Variants in USP32 observed in about 807,000 individuals in gnomAD.
The protein encoded by USP32 is ubiquitin carboxyl-terminal hydrolase 32.
In USP32, 59 loss-of-function variants were observed where a neutral mutation model predicts 204.8. The ratio of observed to expected loss-of-function variants is 0.29; its 90% CI spans 0.23 to 0.36. The LOEUF (loss-of-function observed/expected upper bound fraction) is 0.36. USP32 is among the 10% of genes least tolerant of loss of function. The probability of loss-of-function intolerance (pLI) is 1.00; values close to 1 mark genes in which losing one functional copy is unlikely to be tolerated. For missense variants in USP32, 1,160 were observed against 1,946.4 expected, an observed-to-expected ratio of 0.60 and a Z score of 7.60; for synonymous variants, 517 against 678.4, an observed-to-expected ratio of 0.76 and a Z score of 3.70.
chr17:60,271,611 C>A, intron 5 of USP32, 130 bp from the exon 6 acceptor site: 1 of 930,870 alleles, frequency 1.1e-6, no homozygotes, highest in Non-Finnish European at 1.5e-6. Flanking sequence ...ATAATCACGA[C>A]CAAAAACAAA....
intron 1 of USP32, among the ~76,000 whole-genome samples, chr17:60,418,292 C>T (rs1363092116): frequency 6.6e-6 from 1 of 151,740 alleles, no homozygotes; most frequent in African/African-American, 2.4e-5. Context: ...AGCATTTCAC[C>T]ATCTTGGCCA....
chr17:60,191,400 TAAAAAAAAAAAAAAA>T lies in USP32; in HGVS notation c.3522-732_3522-718del, dbSNP rs1158204624. Among the ~76,000 whole-genome samples the T allele has an allele frequency of 1.2e-4, 7 of 58,412 alleles. No individual in the cohort carries two copies. In the Admixed American group the frequency reaches 1.6e-3, roughly 13 times the overall value. The allele number at this position is 58,412 out of a possible 152,430, so 38.3% of individuals were successfully genotyped here. A position where few individuals can be genotyped will look rare whatever the true frequency, so the allele number is the denominator to read the frequency against. On this transcript the variant is annotated intron_variant, in intron 28 of 33. Transcript: ENST00000300896. Reference sequence around the variant, plus strand: ...CTGGGTGACAGAGTGAGACTCTGTTTAAAAAAAAAAAAAAAAAAAAAAAAAAGTTTATAGAGTTGC... The same window carrying T: ...CTGGGTGACAGAGTGAGACTCTGTTTAAAAAAAAAAAGTTTATAGAGTTGC...
chr17:60,415,343 T>C (rs1288146237), intron 1 of USP32, among the ~76,000 whole-genome samples: 1 of 152,226 alleles, frequency 6.6e-6, no homozygotes, highest in Non-Finnish European at 1.5e-5. Context: ...TTAAACCCCC[T>C]TGCCTTCTTC....
chr17:60,210,890 T>C (rs1228644744), intron 21 of USP32, 123 bp downstream of exon 21: 20 of 1,429,068 alleles, frequency 1.4e-5, no homozygotes, highest in African/African-American at 8.6e-5. Context: ...CTTTTGTTTA[T>C]ACCAAGTGAA....
chr17:60,320,663 C>T (rs2088091521), intron 2 of USP32, among the ~76,000 whole-genome samples: 1 of 152,146 alleles, frequency 6.6e-6, no homozygotes, highest in South Asian at 2.1e-4. Context: ...TGAAAAACAA[C>T]ACCGAATGAG....
intron 15 of USP32, among the ~76,000 whole-genome samples, chr17:60,221,021 T>G (rs373132189): frequency 1.2e-4 from 19 of 152,250 alleles, no homozygotes; most frequent in African/African-American, 4.3e-4. Flanking sequence ...TTTATTTTCC[T>G]TTACTCTCAT....
At chr17:60,342,281 G>A (rs768311245) in intron 2 of USP32, among the ~76,000 whole-genome samples, 12 of 152,136 alleles carry the variant, frequency 7.9e-5, no homozygotes, top group Non-Finnish European at 1.2e-4. Context: ...ATTGCTGCCC[G>A]ATCCTTCCTC....
intron 1 of USP32, among the ~76,000 whole-genome samples, chr17:60,372,651 G>A (rs901019931): frequency 2.7e-5 from 4 of 150,744 alleles, no homozygotes; most frequent in Non-Finnish European, 4.4e-5. Context: ...ACCAGTCTGG[G>A]TAACACAGTA....
intron 2 of USP32, among the ~76,000 whole-genome samples, chr17:60,310,385 C>A (rs1030403580): frequency 6.6e-6 from 1 of 152,154 alleles, no homozygotes; most frequent in African/African-American, 2.4e-5. Context: ...GTGGTATATA[C>A]ACACAATGGA....
At chr17:60,340,648 TG>T (rs1159301528) in intron 2 of USP32, among the ~76,000 whole-genome samples, 2 of 152,224 alleles carry the variant, frequency 1.3e-5, no homozygotes, top group African/African-American at 4.8e-5. Flanking sequence ...GCCTTTTAAT[TG>T]GGGCATTTAG....
At chr17:60,273,961 C>CAA (rs35639109) in intron 5 of USP32, among the ~76,000 whole-genome samples, 4,181 of 41,518 alleles carry the variant, frequency 0.1, 626 homozygotes, top group African/African-American at 0.29. Context: ...GACTCAGTCT[C>CAA]AAAAAAAAAA....
At chr17:60,261,434 G>T (rs1179769935) in intron 9 of USP32, among the ~76,000 whole-genome samples, 1 of 152,078 alleles carries the variant, frequency 6.6e-6, no homozygotes, top group Non-Finnish European at 1.5e-5. Context: ...ATCACTTAAG[G>T]TCAGGAGTTT....
intron 4 of USP32, among the ~76,000 whole-genome samples, chr17:60,292,753 A>G (rs751363625): frequency 8.6e-5 from 13 of 151,550 alleles, no homozygotes; most frequent in Non-Finnish European, 1.9e-4. Flanking sequence ...TACTTCCCAC[A>G]TAAGATCCAA....
rs575514395 is a variant in USP32 at position 60,220,200 on chromosome 17, C to T, written c.1750-413G>A. On this transcript the variant is annotated intron_variant, in intron 15 of 33. Coordinates refer to ENST00000300896, the MANE Select transcript of USP32 (RefSeq NM_032582.4). ...ACAAGTCAAAAACTATGGAAGTATT[C>T]ATTAGCTATATAGTCATGCTGCCAT... Among the ~76,000 whole-genome samples, 195 of 152,078 alleles carry T rather than the reference C, an allele frequency of 1.3e-3. 1 individual carries two copies. The highest frequency in any genetic ancestry group is 4.3e-3 in the African/African-American group (179 of 41,480).
At chr17:60,221,891 T>C (rs1382155049) in intron 15 of USP32, among the ~76,000 whole-genome samples, 3 of 152,206 alleles carry the variant, frequency 2.0e-5, no homozygotes, top group African/African-American at 7.2e-5. Flanking sequence ...GAGTGCTGTT[T>C]ACCGTGTAAG....
chr17:60,236,881 C>T (rs1453392285), intron 11 of USP32, among the ~76,000 whole-genome samples: 2 of 152,080 alleles, frequency 1.3e-5, no homozygotes, highest in African/African-American at 4.8e-5. Flanking sequence ...TTTGACTTTG[C>T]GTGTTTTTGT....
intron 1 of USP32, among the ~76,000 whole-genome samples, chr17:60,389,928 A>T (rs2089800950): frequency 6.6e-6 from 1 of 151,930 alleles, no homozygotes; most frequent in Admixed American, 6.6e-5. Context: ...GAGGCAGGAG[A>T]ATGGCGTGAA....
intron 5 of USP32, among the ~76,000 whole-genome samples, chr17:60,287,674 T>G (rs1040189321): frequency 6.6e-6 from 1 of 152,164 alleles, no homozygotes; most frequent in African/African-American, 2.4e-5. Flanking sequence ...AAATGTCTCA[T>G]TTCAGTTTAT....
chr17:60,228,987 A>C (rs2085473337), intron 12 of USP32, among the ~76,000 whole-genome samples: 1 of 151,654 alleles, frequency 6.6e-6, no homozygotes, highest in South Asian at 2.1e-4. Flanking sequence ...TCAAAAGAAA[A>C]TTTTCCATAA....
Sources: allele counts gnomAD v4.1 joint callset (sites outside exome capture counted in the v4.1 genomes callset), GRCh38; gene constraint gnomAD v4.1.1; transcripts MANE v1.5; gene names NCBI Gene and HGNC (gene_info 2026-07-23, HGNC 2026-07-21).